The following KLF12 variants were observed in gnomAD, a reference collection of about 807,000 sequenced individuals.
KLF12 encodes Krueppel-like factor 12.
A neutral mutation model predicts 37.8 loss-of-function variants in KLF12; 9 were observed. The ratio of observed to expected loss-of-function variants is 0.24; its 90% CI spans 0.14 to 0.42. The LOEUF is 0.42. Among genes scored for constraint, KLF12 ranks in the 10% least tolerant of loss-of-function variants. The pLI, the probability that KLF12 is intolerant of heterozygous loss-of-function variation, is 1.00. For missense variants in KLF12, 411 were observed against 516.0 expected, an observed-to-expected ratio of 0.80 and a Z score of 1.97; for synonymous variants, 208 against 202.1, an observed-to-expected ratio of 1.03 and a Z score of -0.25.
At chr13:74,279,012 A>G in the KLF12 span, among the ~76,000 whole-genome samples, 6 of 152,136 alleles carry the variant, frequency 3.9e-5, no homozygotes, top group African/African-American at 1.4e-4. Flanking sequence ...TCCCATGGTT[A>G]CCCAAGAAGC....
intron 6 of KLF12, among the ~76,000 whole-genome samples, chr13:73,764,593 G>A (rs1879785006): frequency 6.6e-6 from 1 of 152,066 alleles, no homozygotes; most frequent in African/African-American, 2.4e-5. Flanking sequence ...AAATCTTCAT[G>A]AGGAGTTGAA....
the KLF12 span, among the ~76,000 whole-genome samples, chr13:74,167,820 G>A: frequency 2.0e-5 from 3 of 152,046 alleles, no homozygotes; most frequent in African/African-American, 7.2e-5. Flanking sequence ...TCATTAAATG[G>A]GAGCAAACAG....
chr13:74,158,551 G>A, the KLF12 span, among the ~76,000 whole-genome samples: 1 of 152,124 alleles, frequency 6.6e-6, no homozygotes, highest in South Asian at 2.1e-4. Context: ...TCTTGAGAAA[G>A]AAAGGGATCA....
chr13:74,042,540 A>G (rs1380224883), intron 1 of KLF12, among the ~76,000 whole-genome samples: 3 of 152,124 alleles, frequency 2.0e-5, no homozygotes, highest in Non-Finnish European at 2.9e-5. Flanking sequence ...AAACCAGAAG[A>G]GTATCTGCCT....
the KLF12 span, among the ~76,000 whole-genome samples, chr13:74,221,376 G>C: frequency 2.0e-5 from 3 of 151,844 alleles, no homozygotes; most frequent in African/African-American, 7.3e-5. Context: ...TCTATTTTTT[G>C]TTATCTGGTC....
At chr13:73,834,915 A>G (rs1884351061) in intron 4 of KLF12, among the ~76,000 whole-genome samples, 1 of 152,226 alleles carries the variant, frequency 6.6e-6, no homozygotes, top group South Asian at 2.1e-4. Flanking sequence ...AAGTTGCCAT[A>G]TATACGCTTC....
At chr13:73,867,663 A>G (rs954528667) in intron 3 of KLF12, among the ~76,000 whole-genome samples, 2 of 152,116 alleles carry the variant, frequency 1.3e-5, no homozygotes, top group Admixed American at 6.5e-5. Context: ...CCTGATATCT[A>G]TCCAATACAC....
intron 2 of KLF12, among the ~76,000 whole-genome samples, chr13:73,949,604 T>C (rs1229160615): frequency 6.6e-6 from 1 of 152,220 alleles, no homozygotes; most frequent in Non-Finnish European, 1.5e-5. Context: ...AATGGTTTCA[T>C]GGCCTTCAAT....
the KLF12 span, among the ~76,000 whole-genome samples, chr13:74,140,877 C>G: frequency 5.6e-4 from 85 of 152,150 alleles, 1 homozygote; most frequent in Admixed American, 6.5e-5. Flanking sequence ...CATGGTGAAA[C>G]CCCATCTCTA....
At chr13:73,912,375 T>A (rs1888609749) in intron 3 of KLF12, among the ~76,000 whole-genome samples, 1 of 152,166 alleles carries the variant, frequency 6.6e-6, no homozygotes, top group South Asian at 2.1e-4. Flanking sequence ...CCTCTGAATG[T>A]GATTTTATTT....
intron 1 of KLF12, among the ~76,000 whole-genome samples, 157 bp from the exon 2 acceptor site, chr13:73,995,210 T>C (rs557279994): frequency 6.6e-6 from 1 of 152,290 alleles, no homozygotes; most frequent in East Asian, 1.9e-4. Flanking sequence ...GTTGTTGGCT[T>C]GCTCTTCAGC....
the KLF12 span, among the ~76,000 whole-genome samples, chr13:74,260,440 G>A: frequency 6.6e-6 from 1 of 151,842 alleles, no homozygotes; most frequent in Non-Finnish European, 1.5e-5. Context: ...TGTAGTCCTA[G>A]CTACTTGGGA....
At chr13:73,841,794 C>G (rs1232091654) in intron 4 of KLF12, among the ~76,000 whole-genome samples, 1 of 152,162 alleles carries the variant, frequency 6.6e-6, no homozygotes, top group African/African-American at 2.4e-5. Flanking sequence ...CCGCACCTCC[C>G]AGTACCACCA....
the KLF12 span, among the ~76,000 whole-genome samples, chr13:74,185,121 C>T: frequency 6.6e-6 from 1 of 152,104 alleles, no homozygotes; most frequent in Non-Finnish European, 1.5e-5. Flanking sequence ...TAGTCTTGGT[C>T]CAGCAAGATG....
the KLF12 span, among the ~76,000 whole-genome samples, chr13:74,172,955 C>T: frequency 1.3e-5 from 2 of 152,168 alleles, no homozygotes; most frequent in Non-Finnish European, 2.9e-5. Context: ...ACATGAAATA[C>T]GCCCGTACCT....
chr13:74,158,891 T>C, the KLF12 span, among the ~76,000 whole-genome samples: 1 of 152,200 alleles, frequency 6.6e-6, no homozygotes, highest in Non-Finnish European at 1.5e-5. Context: ...AAGTCACCCA[T>C]CAATCAGGAT....
intron 5 of KLF12, among the ~76,000 whole-genome samples, chr13:73,807,191 C>A (rs1882690528): frequency 2.0e-5 from 3 of 151,964 alleles, no homozygotes; most frequent in Admixed American, 2.0e-4. Context: ...GCTTGTTAAT[C>A]CCAGCTACTT....
At chr13:74,175,643 G>T in the KLF12 span, among the ~76,000 whole-genome samples, 1 of 152,206 alleles carries the variant, frequency 6.6e-6, no homozygotes, top group Non-Finnish European at 1.5e-5. Context: ...CCACTGGGAG[G>T]TGCATATCTG....
the KLF12 span, among the ~76,000 whole-genome samples, chr13:74,199,663 A>G: frequency 6.6e-6 from 1 of 152,222 alleles, no homozygotes; most frequent in Non-Finnish European, 1.5e-5. Context: ...ATTTTAAGTG[A>G]AACAAAAGAA....
Sources: gnomAD v4.1 joint callset for allele counts (sites outside exome capture counted in the v4.1 genomes callset) on GRCh38, gnomAD v4.1.1 for gene constraint, MANE v1.5 for transcripts, NCBI Gene and HGNC (gene_info 2026-07-23, HGNC 2026-07-21) for gene names.